The following CMPK2 variants were observed in gnomAD, a reference collection of about 807,000 sequenced individuals.
CMPK2 encodes cytidine/uridine monophosphate kinase 2.
Under a neutral mutation model 33.4 loss-of-function variants are expected in CMPK2, and 32 were observed. The ratio of observed to expected loss-of-function variants is 0.96; its 90% CI spans 0.72 to 1.29. The LOEUF is 1.29. Among genes scored for constraint, CMPK2 ranks in the 50% most tolerant of loss-of-function variants. The pLI is 0.00. For synonymous variants in CMPK2, 299 were observed against 275.3 expected (o/e 1.09, Z -0.85); for missense variants, 672 against 616.0 (o/e 1.09, Z -0.96).
chr2:6,845,860 T>A (rs1362193434), downstream of CMPK2, among the ~76,000 whole-genome samples: 1 of 152,212 alleles, frequency 6.6e-6, no homozygotes, highest in Non-Finnish European at 1.5e-5. Context: ...GTGCCTCAAA[T>A]GAGCATAAGA....
At chr2:6,862,041 T>C (rs545182389) in intron 2 of CMPK2, 1 of 152,490 alleles carries the variant, frequency 6.6e-6, no homozygotes, top group Non-Finnish European at 1.5e-5. Flanking sequence ...TGCCTGGAGC[T>C]CAGGACAGGT....
At chr2:6,859,854 C>T (rs542986024) in intron 3 of CMPK2, among the ~76,000 whole-genome samples, 121 of 152,272 alleles carry the variant, frequency 7.9e-4, no homozygotes, top group African/African-American at 2.7e-3. Flanking sequence ...CACTAGACCC[C>T]AGAATGGTAG....
chr2:6,854,084 T>G (rs1662612416), intron 3 of CMPK2, among the ~76,000 whole-genome samples: 1 of 152,134 alleles, frequency 6.6e-6, no homozygotes, highest in African/African-American at 2.4e-5. Flanking sequence ...AAACTTGTAC[T>G]TTCACTCTCT....
chr2:6,854,994 A>C (rs1443391155), intron 3 of CMPK2, among the ~76,000 whole-genome samples: 2 of 151,936 alleles, frequency 1.3e-5, no homozygotes, highest in Non-Finnish European at 2.9e-5. Context: ...TACTAGGAAA[A>C]CCTTAGTCTT....
intron 3 of CMPK2, among the ~76,000 whole-genome samples, chr2:6,856,340 T>C (rs1662703047): frequency 6.6e-6 from 1 of 152,168 alleles, no homozygotes; most frequent in African/African-American, 2.4e-5. Context: ...GCAGAACTAA[T>C]ATATGGCTAT....
rs1215837367 is a variant in CMPK2 at position 6,865,356 on chromosome 2, C to A, written c.341G>T (p.Arg114Met). 1 of 1,438,250 alleles carries A rather than the reference C, an allele frequency of 7.0e-7. No homozygotes were observed. The highest frequency in any genetic ancestry group is 1.4e-5 in the South Asian group (1 of 70,496). The allele number at this position is 1,438,250 out of a possible 1,614,324, so 89.1% of individuals were successfully genotyped here. A position where few individuals can be genotyped will look rare whatever the true frequency, so the allele number is the denominator to read the frequency against. Residue 114 changes from arginine to methionine, a missense_variant, in exon 1 of 5, where the codon AGG (arginine) becomes ATG (methionine). By Grantham distance (91) the Arg-to-Met change is moderately conservative (BLOSUM62 -1). Coordinates refer to ENST00000256722, the MANE Select transcript of CMPK2 (RefSeq NM_207315.4). ...GCCGCCCGGGCAGTAGCAGAGCAGCCTGAGCAGCTGGCACCGCTGGAAGGG... is the reference window on the plus strand; with the variant it reads ...GCCGCCCGGGCAGTAGCAGAGCAGCATGAGCAGCTGGCACCGCTGGAAGGG... ...RGPFQRCQLL[R>M]LLCYCPGGQA...
chr2:6,850,057 A>C, intron 4 of CMPK2, 84 bp from the exon 5 acceptor site: 1 of 1,081,794 alleles, frequency 9.2e-7, no homozygotes, highest in East Asian at 2.4e-5. Flanking sequence ...CATAGTATAA[A>C]TAGCTTGAAG....
exon 4 of CMPK2, chr2:6,840,654 G>A (rs1450270130): frequency 2.8e-6 from 2 of 702,262 alleles, no homozygotes; most frequent in South Asian, 1.5e-5. Flanking sequence ...GAGAAGGATG[G>A]TATAAGGTTC....
At position 6,849,360 on chromosome 2, in the gene CMPK2, G is replaced by A. The variant is rs1662443187; in HGVS notation, c.*490C>T. 4 of 986,254 alleles carry A rather than the reference G, an allele frequency of 4.1e-6. No homozygotes were observed. Among genetic ancestry groups the A allele is most frequent in the Non-Finnish European group, 4.8e-6 (4 of 830,566 alleles). 61.1% of individuals were successfully genotyped at this position (986,254 alleles called of 1,614,324 possible). A position where few individuals can be genotyped will look rare whatever the true frequency, so the allele number is the denominator to read the frequency against. ...GCAGGAACACTTGGCTCTAGAATTT[G>A]GGACTGAGGGAGATGCAGCGAGCCC... On this transcript the variant is annotated 3_prime_UTR_variant, in exon 5 of 5. Coordinates refer to ENST00000256722, the MANE Select transcript of CMPK2 (RefSeq NM_207315.4).
At chr2:6,853,068 C>T (rs1662572514) in intron 3 of CMPK2, among the ~76,000 whole-genome samples, 1 of 152,030 alleles carries the variant, frequency 6.6e-6, no homozygotes, top group Non-Finnish European at 1.5e-5. Flanking sequence ...TCCTGCCCCA[C>T]CCTCCCAAGT....
intron 2 of CMPK2, among the ~76,000 whole-genome samples, chr2:6,861,726 T>C (rs776924294): frequency 6.6e-6 from 1 of 152,206 alleles, no homozygotes; most frequent in Non-Finnish European, 1.5e-5. Context: ...TTGTCTATAG[T>C]TGATGAACCC....
chr2:6,850,077 C>A, intron 4 of CMPK2, 104 bp from the exon 5 acceptor site: 1 of 828,264 alleles, frequency 1.2e-6, no homozygotes. Context: ...GCAAGCTTCC[C>A]ATGTCATTTA....
chr2:6,865,221 G>C lies in CMPK2; in HGVS notation c.476C>G (p.Pro159Arg). 6.5e-7 allele frequency: 1 copy of C among 1,535,460 alleles called. No individual in the cohort carries two copies. Among genetic ancestry groups the C allele is most frequent in the East Asian group, 2.5e-5 (1 of 39,298 alleles). ...GTCGGCCTCGAACTCGCCCAAGTGC[G>C]GGCGTGGTGCCTCCTGACAGGCGCC... is the stretch of plus-strand genomic sequence containing the variant. ...LLGACQEAPR[P>R]HLGEFEADPR... The change falls in exon 1 of 5, where the codon CCG becomes CGG. Residue 159 changes from proline to arginine, a missense_variant. Transcript: ENST00000256722.
intron 2 of CMPK2, among the ~76,000 whole-genome samples, chr2:6,862,409 C>T (rs2103227871): frequency 6.6e-6 from 1 of 152,364 alleles, no homozygotes; most frequent in Middle Eastern, 3.4e-3. Context: ...CAGACGGAAC[C>T]ACTAGCCTGT....
chr2:6,848,768 C>G lies in CMPK2; in HGVS notation c.*1082G>C. 1.0e-6 allele frequency: 1 copy of G among 985,752 alleles called. No homozygotes were observed. Among genetic ancestry groups the G allele is most frequent in the Non-Finnish European group, 1.2e-6 (1 of 829,870 alleles). 61.1% of individuals were successfully genotyped at this position (985,752 alleles called of 1,614,324 possible). On this transcript the variant is annotated 3_prime_UTR_variant, in exon 5 of 5. Coordinates refer to ENST00000256722, the MANE Select transcript of CMPK2 (RefSeq NM_207315.4). Reference sequence around the variant, plus strand: ...CAACCTACTCCCTAAAGTCACACAGCTCTATAATTTCCCCCTCACTCAGCT... The same window carrying G: ...CAACCTACTCCCTAAAGTCACACAGGTCTATAATTTCCCCCTCACTCAGCT...
Position 6,865,220 on chromosome 2 carries a change from C to A in CMPK2, c.477G>T (p.Pro159=), listed in dbSNP as rs1663026664. ...GGTCGGCCTCGAACTCGCCCAAGTG[C>A]GGGCGTGGTGCCTCCTGACAGGCGC... is the stretch of plus-strand genomic sequence containing the variant. ...LLGACQEAPR[P]HLGEFEADPR... Residue 159 remains proline, a synonymous_variant, in exon 1 of 5, where the codon CCG becomes CCT. Coordinates refer to ENST00000256722, the MANE Select transcript of CMPK2 (RefSeq NM_207315.4). 3.3e-6 allele frequency: 5 copies of A among 1,534,792 alleles called. No homozygotes were observed. The highest frequency in any genetic ancestry group is 2.5e-5 in the East Asian group (1 of 39,236).
intron 4 of CMPK2, chr2:6,851,194 C>A (rs980237969): frequency 7.7e-7 from 1 of 1,292,414 alleles, no homozygotes; most frequent in Non-Finnish European, 9.9e-7. Flanking sequence ...TACCCAGGTG[C>A]AGCTGCTCCT....
intron 3 of CMPK2, among the ~76,000 whole-genome samples, chr2:6,860,306 T>C (rs1386181298): frequency 6.6e-6 from 1 of 152,132 alleles, no homozygotes; most frequent in African/African-American, 2.4e-5. Context: ...GGACTGTTGG[T>C]AAGGCATGAT....
rs369040247 is a variant in CMPK2 at position 6,849,872 on chromosome 2, T to C, written c.1328A>G (p.Gln443Arg). The change falls in exon 5 of 5, where the codon CAG becomes CGG. Residue 443 changes from glutamine to arginine, a missense_variant. Transcript: ENST00000256722. ...TAACTACGGTTCACTAAAACTATTC[T>C]GGATTAGGCTTAATACCGTCTGCAG... ...KVLQTVLSLIQNSFSEP is the reference protein window; with the variant it reads ...KVLQTVLSLIRNSFSEP 4 of 1,613,902 alleles carry C rather than the reference T, an allele frequency of 2.5e-6. No homozygotes were observed. In the African/African-American group the frequency reaches 4.0e-5, roughly 16 times the overall value.
Sources: allele counts gnomAD v4.1 joint callset (sites outside exome capture counted in the v4.1 genomes callset), GRCh38; gene constraint gnomAD v4.1.1; transcripts MANE v1.5; gene names NCBI Gene and HGNC (gene_info 2026-07-23, HGNC 2026-07-21).